Variants in MGMT observed in about 807,000 individuals in gnomAD.
MGMT encodes the protein O-6-methylguanine-DNA methyltransferase.
Under a neutral mutation model 15.9 loss-of-function variants are expected in MGMT, and 14 were observed. The observed-to-expected ratio is 0.88, with a 90% confidence interval of 0.58 to 1.37. The LOEUF (loss-of-function observed/expected upper bound fraction) is 1.37, where lower values mean the gene tolerates loss of function less well. Among genes scored for constraint, MGMT ranks in the 40% most tolerant of loss-of-function variants. The probability of loss-of-function intolerance (pLI) is 0.00; values close to 1 mark genes in which losing one functional copy is unlikely to be tolerated. For missense variants in MGMT, 282 were observed against 268.1 expected (o/e 1.05, Z -0.36); for synonymous variants, 130 against 118.2 (o/e 1.10, Z -0.65).
chr10:129,571,359 A>G (rs969042331), intron 2 of MGMT, among the ~76,000 whole-genome samples: 17 of 152,210 alleles, frequency 1.1e-4, no homozygotes, highest in Non-Finnish European at 2.9e-5. Flanking sequence ...TGAATTCATT[A>G]TAATTGAACA....
rs115619861 is a variant in MGMT, at chr10:129,526,686, C to T, written c.-12-9555C>T. 1.6e-4 allele frequency among the ~76,000 whole-genome samples: 25 copies of T among 151,926 alleles called. No homozygotes were observed. The South Asian group carries it at 4.9e-3, about 29-fold the overall frequency. ...TCTGTTTCTGTGTGTTTTCATTGCA[C>T]AGGATACCAGCAGTGGAAATGGTTA... On this transcript the variant is annotated intron_variant, in intron 1 of 4. Coordinates refer to ENST00000651593, the MANE Select transcript of MGMT (RefSeq NM_002412.5).
At chr10:129,583,072 C>T (rs948281554) in intron 2 of MGMT, among the ~76,000 whole-genome samples, 1 of 152,136 alleles carries the variant, frequency 6.6e-6, no homozygotes, top group African/African-American at 2.4e-5. Context: ...TTCTGATAGG[C>T]TGTCTTGCTT....
chr10:129,740,457 G>C (rs1347874096), intron 3 of MGMT, among the ~76,000 whole-genome samples: 2 of 152,178 alleles, frequency 1.3e-5, no homozygotes, highest in Non-Finnish European at 1.5e-5. Flanking sequence ...GCCTTACGAA[G>C]GGGGACGGGA....
At chr10:129,513,440 C>G (rs1388109720) in intron 1 of MGMT, among the ~76,000 whole-genome samples, 2 of 152,194 alleles carry the variant, frequency 1.3e-5, no homozygotes, top group African/African-American at 4.8e-5. Flanking sequence ...AAAGGAGTGT[C>G]TGGGACGTTA....
chr10:129,632,946 A>G (rs897122987), intron 2 of MGMT, among the ~76,000 whole-genome samples: 4 of 152,232 alleles, frequency 2.6e-5, no homozygotes, highest in Non-Finnish European at 5.9e-5. Flanking sequence ...TGTATCTTAA[A>G]ATATTTTCTG....
chr10:129,751,826 G>A (rs926675291), intron 3 of MGMT, among the ~76,000 whole-genome samples: 5 of 151,768 alleles, frequency 3.3e-5, no homozygotes, highest in Admixed American at 6.6e-5. Flanking sequence ...TTCTATTATG[G>A]TTTTTGTCGA....
chr10:129,500,798 G>A (rs1027069968), intron 1 of MGMT, among the ~76,000 whole-genome samples: 1 of 152,066 alleles, frequency 6.6e-6, no homozygotes, highest in Non-Finnish European at 1.5e-5. Flanking sequence ...CTATCCGCCC[G>A]CCTTAGCCTC....
At chr10:129,746,193 C>T (rs1258753718) in intron 3 of MGMT, among the ~76,000 whole-genome samples, 3 of 148,374 alleles carry the variant, frequency 2.0e-5, no homozygotes, top group East Asian at 2.0e-4. Flanking sequence ...GAGCCGAGAT[C>T]GCACCACTTT....
intron 2 of MGMT, among the ~76,000 whole-genome samples, chr10:129,675,075 G>A (rs1847768745): frequency 6.6e-6 from 1 of 152,194 alleles, no homozygotes; most frequent in African/African-American, 2.4e-5. Flanking sequence ...GAGTGCCTGT[G>A]AAGAAGGACC....
intron 2 of MGMT, among the ~76,000 whole-genome samples, chr10:129,628,990 AC>A (rs766359688): frequency 1.2e-4 from 18 of 152,138 alleles, no homozygotes; most frequent in Non-Finnish European, 2.2e-4. Flanking sequence ...TCCCGGGGGA[AC>A]CCATGTGGGA....
chr10:129,749,752 CT>C (rs1012230577), intron 3 of MGMT, among the ~76,000 whole-genome samples: 5 of 152,172 alleles, frequency 3.3e-5, no homozygotes, highest in African/African-American at 1.2e-4. Flanking sequence ...ATTAAGCATC[CT>C]TTTTGCTCCA....
At chr10:129,576,310 A>G (rs890388545) in intron 2 of MGMT, among the ~76,000 whole-genome samples, 2 of 152,194 alleles carry the variant, frequency 1.3e-5, no homozygotes, top group African/African-American at 4.8e-5. Context: ...AACCAAATCC[A>G]GCAGCACATC....
chr10:129,503,447 A>T (rs1364451377), intron 1 of MGMT, among the ~76,000 whole-genome samples: 1 of 152,268 alleles, frequency 6.6e-6, no homozygotes, highest in Non-Finnish European at 1.5e-5. Context: ...AATACAATAA[A>T]ATTAACCTGA....
intron 2 of MGMT, among the ~76,000 whole-genome samples, chr10:129,575,632 A>G: frequency 6.7e-6 from 1 of 148,380 alleles, no homozygotes. Context: ...GAACTAGAGA[A>G]GCAAGAGCAA....
chr10:129,557,127 A>G (rs1023104266), intron 2 of MGMT, among the ~76,000 whole-genome samples: 2 of 152,194 alleles, frequency 1.3e-5, no homozygotes, highest in African/African-American at 4.8e-5. Context: ...CAAATACAAT[A>G]ACAAATTACG....
chr10:129,492,443 A>C (rs1353776541), intron 1 of MGMT, among the ~76,000 whole-genome samples: 4 of 152,150 alleles, frequency 2.6e-5, no homozygotes, highest in Non-Finnish European at 5.9e-5. Context: ...CCAGTCTCGT[A>C]AGTGCTATTA....
intron 2 of MGMT, among the ~76,000 whole-genome samples, chr10:129,660,442 T>G (rs921694397): frequency 6.6e-6 from 1 of 152,086 alleles, no homozygotes; most frequent in African/African-American, 2.4e-5. Context: ...TGATACCCCA[T>G]CAAACTTGAG....
At chr10:129,614,992 A>G (rs1037459656) in intron 2 of MGMT, among the ~76,000 whole-genome samples, 5 of 151,762 alleles carry the variant, frequency 3.3e-5, no homozygotes, top group Non-Finnish European at 7.4e-5. Flanking sequence ...CCTATCTTAA[A>G]GCTTATTTTT....
intron 2 of MGMT, among the ~76,000 whole-genome samples, chr10:129,703,717 G>A (rs1418686559): frequency 6.6e-6 from 1 of 152,158 alleles, no homozygotes; most frequent in Non-Finnish European, 1.5e-5. Flanking sequence ...TGCAGCCCCA[G>A]GTGCCACCAC....
Sources: gnomAD v4.1 joint callset for allele counts (sites outside exome capture counted in the v4.1 genomes callset) on GRCh38, gnomAD v4.1.1 for gene constraint, MANE v1.5 for transcripts, NCBI Gene and HGNC (gene_info 2026-07-23, HGNC 2026-07-21) for gene names.